The following CRIM1 variants were observed in gnomAD, a reference collection of about 807,000 sequenced individuals.
CRIM1 encodes cysteine rich transmembrane BMP regulator 1.
In CRIM1, 32 loss-of-function variants were observed where a neutral mutation model predicts 116.4. The observed-to-expected ratio is 0.27, with a 90% CI of 0.21 to 0.37. The LOEUF (loss-of-function observed/expected upper bound fraction) is 0.37, where lower values mean the gene tolerates loss of function less well. Among genes scored for constraint, CRIM1 ranks in the 10% least tolerant of loss-of-function variants. CRIM1 has a pLI of 1.00. For synonymous variants in CRIM1, 590 were observed against 509.2 expected (o/e 1.16, Z -2.13); for missense variants, 1,331 against 1,354.8 (o/e 0.98, Z 0.28).
chr2:36,534,341 G>A (rs1666351293), intron 13 of CRIM1, among the ~76,000 whole-genome samples: 1 of 129,762 alleles, frequency 7.7e-6, no homozygotes, highest in African/African-American at 2.9e-5. Flanking sequence ...AAGGAGGGAG[G>A]GAGGAGGAGG....
chr2:36,437,590 G>C (rs552535047), intron 2 of CRIM1, among the ~76,000 whole-genome samples: 1 of 150,428 alleles, frequency 6.6e-6, no homozygotes, highest in East Asian at 2.0e-4. Flanking sequence ...GAGAAAGCCA[G>C]TGTGATTGAT....
At chr2:36,398,315 G>A (rs1672181918) in intron 2 of CRIM1, among the ~76,000 whole-genome samples, 1 of 152,198 alleles carries the variant, frequency 6.6e-6, no homozygotes, top group Admixed American at 6.5e-5. Flanking sequence ...TCCTGAACAT[G>A]CCCTCTTCAC....
At chr2:36,361,959 A>G (rs1319042948) in intron 1 of CRIM1, among the ~76,000 whole-genome samples, 1 of 152,098 alleles carries the variant, frequency 6.6e-6, no homozygotes, top group African/African-American at 2.4e-5. Flanking sequence ...GCAAAGCTGC[A>G]TTTTCAAAGA....
chr2:36,363,578 A>G (rs528137017), intron 1 of CRIM1, among the ~76,000 whole-genome samples: 134 of 134,988 alleles, frequency 9.9e-4, no homozygotes, highest in African/African-American at 3.3e-3. Context: ...AATGATTTCT[A>G]CAAAGTTTGT....
intron 10 of CRIM1, among the ~76,000 whole-genome samples, chr2:36,512,969 C>T (rs915862630): frequency 1.3e-5 from 2 of 152,174 alleles, no homozygotes; most frequent in Non-Finnish European, 1.5e-5. Flanking sequence ...CTGCCTTTAC[C>T]CCAGCTCCAG....
At chr2:36,483,287 T>C (rs1295745826) in intron 7 of CRIM1, among the ~76,000 whole-genome samples, 1 of 152,182 alleles carries the variant, frequency 6.6e-6, no homozygotes, top group Non-Finnish European at 1.5e-5. Flanking sequence ...AGCCTTAATC[T>C]CCTTAAAAAC....
chr2:36,516,309 A>G (rs1665028396), intron 11 of CRIM1, among the ~76,000 whole-genome samples: 1 of 152,074 alleles, frequency 6.6e-6, no homozygotes, highest in African/African-American at 2.4e-5. Context: ...AGCATGAGCT[A>G]GCCGTGATGT....
At chr2:36,518,757 C>A (rs2125123978) in intron 12 of CRIM1, among the ~76,000 whole-genome samples, 1 of 152,280 alleles carries the variant, frequency 6.6e-6, no homozygotes, top group South Asian at 2.1e-4. Context: ...CAGATTCAAA[C>A]CCTACTGATG....
intron 4 of CRIM1, 108 bp downstream of exon 4, chr2:36,442,843 GT>G: frequency 7.7e-7 from 1 of 1,295,504 alleles, no homozygotes; most frequent in Non-Finnish European, 1.1e-6. Context: ...GTCCTTTCCT[GT>G]TTCTCTGGAA....
chr2:36,512,774 G>A (rs988016339), intron 10 of CRIM1, among the ~76,000 whole-genome samples: 2 of 152,168 alleles, frequency 1.3e-5, no homozygotes, highest in Admixed American at 1.3e-4. Context: ...TAGAGGGTGG[G>A]TATAGCTCAG....
chr2:36,471,980 G>C (rs1019131139), intron 5 of CRIM1, among the ~76,000 whole-genome samples: 2 of 152,200 alleles, frequency 1.3e-5, no homozygotes, highest in East Asian at 3.8e-4. Context: ...AATCAGTGTA[G>C]TTTGGTAGGC....
chr2:36,537,488 C>T lies in CRIM1; in HGVS notation c.2565C>T (p.Pro855=), dbSNP rs148256222. The change falls in exon 14 of 17, where the codon CCC becomes CCT. Residue 855 remains proline (P), a synonymous_variant. Transcript: ENST00000280527. The part of the protein sequence containing the change: ...GQTLCSTVSC[P]PLPCVEPINV... ...CCCTCTGCTCGACCGTCAGCTGCCC[C>T]CCTCTGCCCTGTGTTGAGCCCATCA... is the stretch of plus-strand genomic sequence containing the variant. 1.9e-6 allele frequency: 3 copies of T among 1,614,202 alleles called. No homozygotes were observed. The highest frequency in any genetic ancestry group is 2.5e-6 in the Non-Finnish European group (3 of 1,180,024).
chr2:36,373,533 C>T (rs1670086747), intron 1 of CRIM1, among the ~76,000 whole-genome samples: 2 of 152,156 alleles, frequency 1.3e-5, no homozygotes, highest in Non-Finnish European at 2.9e-5. Flanking sequence ...CCAAAGATGG[C>T]ACTTGGGGAG....
At chr2:36,415,661 G>A (rs1439984354) in intron 2 of CRIM1, among the ~76,000 whole-genome samples, 1 of 152,102 alleles carries the variant, frequency 6.6e-6, no homozygotes, top group Non-Finnish European at 1.5e-5. Context: ...GCTAGCTGGG[G>A]GAAATGAAAG....
chr2:36,526,279 G>A (rs1665752922), intron 13 of CRIM1, among the ~76,000 whole-genome samples: 1 of 152,142 alleles, frequency 6.6e-6, no homozygotes, highest in South Asian at 2.1e-4. Context: ...TGAAGAACAA[G>A]AATCAAAAGT....
At chr2:36,483,457 C>G (rs904201481) in intron 7 of CRIM1, among the ~76,000 whole-genome samples, 1 of 152,166 alleles carries the variant, frequency 6.6e-6, no homozygotes, top group African/African-American at 2.4e-5. Flanking sequence ...CTCACAGCAT[C>G]CCTTCGGTAT....
At position 36,513,536 on chromosome 2, in the gene CRIM1, G is replaced by C; in HGVS notation, c.1781-20G>C. 3.7e-6 allele frequency: 6 copies of C among 1,609,632 alleles called. No individual in the cohort carries two copies. Among genetic ancestry groups the C allele is most frequent in the South Asian group, 2.2e-5 (2 of 90,936 alleles). On this transcript the variant is annotated intron_variant, in intron 10 of 16. Coordinates refer to ENST00000280527, the MANE Select transcript of CRIM1 (RefSeq NM_016441.3). Reference sequence around the variant, plus strand: ...TGTGCAGTAGCCACTTCTTTACCAGGCTGCCTTTTGTCTGTCCAGAGGCCT... The same window carrying C: ...TGTGCAGTAGCCACTTCTTTACCAGCCTGCCTTTTGTCTGTCCAGAGGCCT...
At chr2:36,533,238 T>G (rs1003968360) in intron 13 of CRIM1, among the ~76,000 whole-genome samples, 2 of 152,098 alleles carry the variant, frequency 1.3e-5, no homozygotes, top group Admixed American at 6.6e-5. Context: ...CTGATGGCGT[T>G]TTCGCAAATG....
intron 7 of CRIM1, among the ~76,000 whole-genome samples, chr2:36,492,828 G>C (rs1034657372): frequency 6.6e-6 from 1 of 152,036 alleles, no homozygotes; most frequent in South Asian, 2.1e-4. Flanking sequence ...GCTTAACCAC[G>C]TTCAGCCCCC....
Sources: gnomAD v4.1 joint callset for allele counts (sites outside exome capture counted in the v4.1 genomes callset) on GRCh38, gnomAD v4.1.1 for gene constraint, MANE v1.5 for transcripts, NCBI Gene and HGNC (gene_info 2026-07-23, HGNC 2026-07-21) for gene names.